Variants in GRIA1 observed in about 807,000 individuals in gnomAD.
GRIA1 encodes glutamate receptor 1.
Under a neutral mutation model 99.2 loss-of-function variants are expected in GRIA1, and 31 were observed. The observed-to-expected ratio is 0.31, with a 90% CI of 0.23 to 0.42. GRIA1 has a LOEUF of 0.42. Ranked by LOEUF, GRIA1 falls within the 10% of genes least tolerant of loss-of-function variation. The probability of loss-of-function intolerance (pLI) is 1.00; values close to 1 mark genes in which losing one functional copy is unlikely to be tolerated. For synonymous variants in GRIA1, 438 were observed against 432.4 expected (o/e 1.01, Z -0.16); for missense variants, 782 against 1,157.5 (o/e 0.68, Z 4.71).
intron 6 of GRIA1, 39 bp from the exon 7 acceptor site, chr5:153,676,955 C>T (rs1372307082): frequency 2.2e-6 from 3 of 1,343,918 alleles, no homozygotes; most frequent in Non-Finnish European, 2.9e-6. Flanking sequence ...TTCCTGTCAG[C>T]TCTCTTTGAT....
chr5:153,719,191 G>A (rs1759874700), intron 11 of GRIA1, among the ~76,000 whole-genome samples: 1 of 152,184 alleles, frequency 6.6e-6, no homozygotes, highest in African/African-American at 2.4e-5. Context: ...GGGCTCTGGA[G>A]TTAGGCCTGG....
At position 153,711,335 on chromosome 5, in the gene GRIA1, A is replaced by G. The variant is rs116753957; in HGVS notation, c.1823+5268A>G. On this transcript the variant is annotated intron_variant, in intron 11 of 15. Coordinates refer to ENST00000285900, the MANE Select transcript of GRIA1 (RefSeq NM_000827.4). Reference sequence around the variant, plus strand: ...GAGTCTCTCATAGCCATCCTGAGGAAATTACAGTGATGGAAATTAGAATGA... The same window carrying G: ...GAGTCTCTCATAGCCATCCTGAGGAGATTACAGTGATGGAAATTAGAATGA... 5.6e-3 allele frequency among the ~76,000 whole-genome samples: 852 copies of G among 152,298 alleles called. 13 individuals carry two copies. The highest frequency in any genetic ancestry group is 0.02 in the African/African-American group (814 of 41,552).
At chr5:153,793,062 T>A (rs1765402536) in intron 13 of GRIA1, among the ~76,000 whole-genome samples, 1 of 152,198 alleles carries the variant, frequency 6.6e-6, no homozygotes, top group Admixed American at 6.5e-5. Flanking sequence ...GTAACGGTTA[T>A]AGTAATCAGA....
In GRIA1 at chr5:153,503,370, G is replaced by A. The variant is rs551136849; in HGVS notation, c.220+9305G>A. 2.0e-5 allele frequency among the ~76,000 whole-genome samples: 3 copies of A among 152,212 alleles called. No homozygotes were observed. In the South Asian group the frequency reaches 6.2e-4, roughly 32 times the overall value. ...GTTTAGTTTCCAGATGTATAATATG[G>A]GGTGCTAATACCTGATTCTCAAACT... On this transcript the variant is annotated intron_variant, in intron 2 of 15. Coordinates refer to ENST00000285900, the MANE Select transcript of GRIA1 (RefSeq NM_000827.4).
At chr5:153,723,654 C>G (rs1219225695) in intron 11 of GRIA1, among the ~76,000 whole-genome samples, 2 of 152,158 alleles carry the variant, frequency 1.3e-5, no homozygotes, top group Non-Finnish European at 2.9e-5. Context: ...GCACAGCAGT[C>G]TGAGATCAAA....
At chr5:153,561,755 A>C (rs551344457) in intron 2 of GRIA1, among the ~76,000 whole-genome samples, 1 of 152,274 alleles carries the variant, frequency 6.6e-6, no homozygotes, top group Admixed American at 6.5e-5. Flanking sequence ...CACCATCACC[A>C]CCATTATTTG....
intron 11 of GRIA1, among the ~76,000 whole-genome samples, chr5:153,744,898 G>C (rs974666318): frequency 1.1e-4 from 16 of 152,244 alleles, no homozygotes; most frequent in African/African-American, 2.7e-4. Flanking sequence ...GGAGTTCAGA[G>C]AAATGAGAGG....
chr5:153,547,890 C>T (rs1408608054), intron 2 of GRIA1, among the ~76,000 whole-genome samples: 1 of 152,068 alleles, frequency 6.6e-6, no homozygotes, highest in African/African-American at 2.4e-5. Flanking sequence ...GACCAGGAGT[C>T]AGGTATAGAG....
intron 11 of GRIA1, among the ~76,000 whole-genome samples, chr5:153,753,668 C>T (rs746769042): frequency 1.4e-5 from 2 of 146,562 alleles, no homozygotes; most frequent in African/African-American, 2.5e-5. Flanking sequence ...ATAGATTCAA[C>T]AAGCCACATA....
chr5:153,684,537 T>C (rs9324755), intron 7 of GRIA1, among the ~76,000 whole-genome samples: 25,784 of 152,144 alleles, frequency 0.17, 2,467 homozygotes, highest in African/African-American at 0.25. Flanking sequence ...GGATAATTAA[T>C]GACACTTTCA....
intron 2 of GRIA1, among the ~76,000 whole-genome samples, chr5:153,590,370 G>GT (rs1485299646): frequency 1.3e-5 from 2 of 152,100 alleles, no homozygotes; most frequent in African/African-American, 4.8e-5. Flanking sequence ...AGCTTTGCAG[G>GT]TAAGAGTAAA....
intron 11 of GRIA1, among the ~76,000 whole-genome samples, chr5:153,711,294 C>A (rs2149527528): frequency 6.6e-6 from 1 of 152,294 alleles, no homozygotes; most frequent in African/African-American, 2.4e-5. Flanking sequence ...AGAGTGGAAG[C>A]AGAGGGACCA....
chr5:153,722,116 T>C (rs930656830), intron 11 of GRIA1, among the ~76,000 whole-genome samples: 30 of 152,196 alleles, frequency 2.0e-4, no homozygotes, highest in African/African-American at 7.2e-4. Flanking sequence ...AGCTATCCTC[T>C]TTTATAAAGT....
intron 2 of GRIA1, among the ~76,000 whole-genome samples, chr5:153,584,305 T>C (rs192723849): frequency 6.6e-6 from 1 of 152,328 alleles, no homozygotes; most frequent in East Asian, 1.9e-4. Context: ...CGATCCTCTC[T>C]TGGGTTAGCA....
chr5:153,745,188 T>TTAAA (rs1762063811), intron 11 of GRIA1, among the ~76,000 whole-genome samples: 1 of 152,186 alleles, frequency 6.6e-6, no homozygotes, highest in Admixed American at 6.5e-5. Flanking sequence ...GGCTCTCCGC[T>TTAAA]TAAATATCAC....
intron 2 of GRIA1, among the ~76,000 whole-genome samples, chr5:153,635,099 T>G (rs1753252571): frequency 6.6e-6 from 1 of 152,238 alleles, no homozygotes; most frequent in South Asian, 2.1e-4. Context: ...TTCATGGGTA[T>G]GCATTACAGT....
chr5:153,698,950 G>T lies in GRIA1; in HGVS notation c.1329G>T (p.Ala443=). The change falls in exon 10 of 16, where the codon GCG becomes GCT. Residue 443 remains alanine (A), a synonymous_variant. Coordinates refer to ENST00000285900, the MANE Select transcript of GRIA1 (RefSeq NM_000827.4). ...DRYEGYCVEL[A]AEIAKHVGYS... ...ACGAGGGCTACTGTGTAGAGCTGGC[G>T]GCAGAGATTGCCAAGCACGTGGGCT... The T allele has an allele frequency of 6.2e-7, 1 of 1,612,424 alleles. No homozygotes were observed. Among genetic ancestry groups the T allele is most frequent in the Middle Eastern group, 1.7e-4 (1 of 6,060 alleles).
At chr5:153,778,192 A>AGAGT (rs1322249458) in intron 13 of GRIA1, among the ~76,000 whole-genome samples, 115 of 37,364 alleles carry the variant, frequency 3.1e-3, no homozygotes, top group African/African-American at 0.012. Flanking sequence ...AGAGAGAGAG[A>AGAGT]GTGTGTGTGT....
chr5:153,645,494 T>C (rs143144727), intron 2 of GRIA1, among the ~76,000 whole-genome samples: 37 of 152,268 alleles, frequency 2.4e-4, no homozygotes, highest in African/African-American at 8.9e-4. Flanking sequence ...AAAAAAGGTC[T>C]TGGAGGCAAA....
Sources: allele counts gnomAD v4.1 joint callset (sites outside exome capture counted in the v4.1 genomes callset), GRCh38; gene constraint gnomAD v4.1.1; transcripts MANE v1.5; gene names NCBI Gene and HGNC (gene_info 2026-07-23, HGNC 2026-07-21).